The following PHF6 variants were observed in gnomAD, a reference collection of about 807,000 sequenced individuals.
The protein encoded by PHF6 is PHD-like zinc finger protein.
In PHF6, 7 loss-of-function variants were observed where a neutral mutation model predicts 34.0. The observed-to-expected ratio is 0.21, with a 90% CI of 0.12 to 0.39. The LOEUF is 0.39. Ranked by LOEUF, PHF6 falls within the 10% of genes least tolerant of loss-of-function variation. The probability of loss-of-function intolerance (pLI) is 1.00; values close to 1 mark genes in which losing one functional copy is unlikely to be tolerated. For missense variants in PHF6, 128 were observed against 262.8 expected, an observed-to-expected ratio of 0.49 and a Z score of 3.55; for synonymous variants, 89 against 88.4, an observed-to-expected ratio of 1.01 and a Z score of -0.04.
intron 5 of PHF6, among the ~76,000 whole-genome samples, chrX:134,401,062 G>C (rs1185470881): frequency 1.8e-5 from 2 of 111,789 alleles, no homozygotes; most frequent in Non-Finnish European, 3.8e-5. Context: ...TGTGGTCCCA[G>C]AGTGTGACAT....
chrX:134,377,111 AT>A lies in PHF6; in HGVS notation c.-46-458del, dbSNP rs199533950. Reference sequence around the variant, plus strand: ...ACATTAATTATGCCAGCAGGGGATAATTTAATATTATACATTGTACATTTCT... The same window carrying A: ...ACATTAATTATGCCAGCAGGGGATAATTAATATTATACATTGTACATTTCT... On this transcript the variant is annotated intron_variant, in intron 1 of 10. Transcript: ENST00000370803. Among the ~76,000 whole-genome samples the A allele has an allele frequency of 6.5e-3, 724 of 111,647 alleles. 4 individuals carry two copies. The highest frequency in any genetic ancestry group is 9.7e-3 in the Non-Finnish European group (514 of 53,038).
intron 5 of PHF6, among the ~76,000 whole-genome samples, chrX:134,406,005 A>G (rs2077421617): frequency 9.1e-6 from 1 of 109,866 alleles, no homozygotes; most frequent in African/African-American, 3.3e-5. Context: ...AGCAACCATG[A>G]AGATTCAAAG....
At chrX:134,380,191 G>C (rs1466338058) in intron 3 of PHF6, among the ~76,000 whole-genome samples, 3 of 103,055 alleles carry the variant, frequency 2.9e-5, no homozygotes, top group Non-Finnish European at 5.9e-5. Flanking sequence ...CTGTCGCCCA[G>C]GCTGGAGTGC....
chrX:134,414,193 G>A (rs924844436), intron 7 of PHF6, among the ~76,000 whole-genome samples: 5 of 110,702 alleles, frequency 4.5e-5, no homozygotes, highest in African/African-American at 1.6e-4. Context: ...GTTTTAGTAG[G>A]ATTTGAAGTA....
intron 5 of PHF6, among the ~76,000 whole-genome samples, chrX:134,403,397 C>A (rs1364094595): frequency 8.9e-6 from 1 of 112,036 alleles, no homozygotes; most frequent in African/African-American, 3.2e-5. Context: ...TCTAATTCTT[C>A]AATTCTATGA....
At chrX:134,414,043 C>A in intron 7 of PHF6, 77 bp downstream of exon 7, 1 of 1,080,376 alleles carries the variant, frequency 9.3e-7, no homozygotes, top group Non-Finnish European at 1.3e-6. Flanking sequence ...ATCTAAAGCC[C>A]AAATGATTTT....
In PHF6 at chrX:134,426,561, G is replaced by A; in HGVS notation, c.*901G>A. ...GTGCTGTAGGAGTAAAAAAGTCTTTGCATAAAACAGTATTTATTTTTACTT... is the reference window on the plus strand; with the variant it reads ...GTGCTGTAGGAGTAAAAAAGTCTTTACATAAAACAGTATTTATTTTTACTT... On this transcript the variant is annotated 3_prime_UTR_variant, in exon 11 of 11. Coordinates refer to ENST00000370803, the MANE Select transcript of PHF6 (RefSeq NM_001015877.2). 6.2e-6 allele frequency: 1 copy of A among 161,148 alleles called. No homozygotes were observed. The highest frequency in any genetic ancestry group is 1.2e-5 in the Non-Finnish European group (1 of 82,358). The allele number at this position is 161,148 out of a possible 1,213,427, so 13.3% of individuals were successfully genotyped here.
intron 5 of PHF6, among the ~76,000 whole-genome samples, chrX:134,406,862 C>T (rs1331114648): frequency 8.9e-6 from 1 of 112,091 alleles, no homozygotes; most frequent in African/African-American, 3.2e-5. Context: ...TCAGGCTTTC[C>T]TGTCACCCGT....
chrX:134,406,399 A>G (rs1303370798), intron 5 of PHF6, among the ~76,000 whole-genome samples: 1 of 111,871 alleles, frequency 8.9e-6, no homozygotes, highest in Non-Finnish European at 1.9e-5. Context: ...GCAATTTCAG[A>G]TGTTCTGTCC....
chrX:134,412,957 A>G (rs971854906), intron 5 of PHF6, among the ~76,000 whole-genome samples: 14 of 112,148 alleles, frequency 1.2e-4, no homozygotes, highest in African/African-American at 4.5e-4. Context: ...AGTGTTATCC[A>G]GTAGAACTTT....
At chrX:134,379,797 C>T (rs1308467018) in intron 3 of PHF6, among the ~76,000 whole-genome samples, 1 of 111,498 alleles carries the variant, frequency 9.0e-6, no homozygotes, top group African/African-American at 3.3e-5. Context: ...GGTTTCTTCA[C>T]GTTACTGTGC....
At chrX:134,422,776 T>C (rs2077496384) in intron 9 of PHF6, among the ~76,000 whole-genome samples, 1 of 111,819 alleles carries the variant, frequency 8.9e-6, no homozygotes, top group South Asian at 3.8e-4. Flanking sequence ...GCAGGGACCT[T>C]GTTTGACCAG....
intron 5 of PHF6, among the ~76,000 whole-genome samples, chrX:134,395,902 G>C (rs949821166): frequency 8.9e-6 from 1 of 111,996 alleles, no homozygotes; most frequent in Non-Finnish European, 1.9e-5. Context: ...AACCTTAGTA[G>C]TGCTTTTCTT....
Position 134,425,860 on chromosome X carries a change from G to A in PHF6, c.*200G>A, listed in dbSNP as rs761860895. On this transcript the variant is annotated 3_prime_UTR_variant, in exon 11 of 11. Transcript: ENST00000370803. ...GCTGAGTTTGACATGTTGATATTAC[G>A]TAGCTATAGTTTGCAGTTTCTGGGA... The A allele has an allele frequency of 2.7e-4, 46 of 173,558 alleles. No individual in the cohort carries two copies. The highest frequency in any genetic ancestry group is 1.2e-3 in the African/African-American group (39 of 33,588). 14.3% of individuals were successfully genotyped at this position (173,558 alleles called of 1,213,427 possible).
intron 9 of PHF6, among the ~76,000 whole-genome samples, chrX:134,421,913 C>T (rs1473791357): frequency 9.6e-6 from 1 of 104,485 alleles, no homozygotes; most frequent in African/African-American, 3.4e-5. Context: ...AATTTTACAT[C>T]TTGTTTTTTG....
intron 5 of PHF6, among the ~76,000 whole-genome samples, chrX:134,410,281 TCCAC>T (rs775369501): frequency 8.9e-6 from 1 of 112,060 alleles, no homozygotes; most frequent in East Asian, 2.8e-4. Context: ...TTCCCTTTTC[TCCAC>T]AGCCTCACTA....
intron 3 of PHF6, among the ~76,000 whole-genome samples, chrX:134,388,979 A>T (rs2077342583): frequency 9.0e-6 from 1 of 111,217 alleles, no homozygotes; most frequent in African/African-American, 3.3e-5. Context: ...TTTAACCTTA[A>T]GTTAGTGTAG....
chrX:134,380,853 G>T (rs747087127), intron 3 of PHF6, among the ~76,000 whole-genome samples: 1 of 111,225 alleles, frequency 9.0e-6, no homozygotes, highest in Non-Finnish European at 1.9e-5. Flanking sequence ...TATTGTTTTT[G>T]TTTGTTTTTG....
In PHF6 at chrX:134,424,373, C is replaced by T. The variant is rs192265434; in HGVS notation, c.969-828C>T. On this transcript the variant is annotated intron_variant, in intron 9 of 10. Transcript: ENST00000370803. ...TTAACCAAATGATCAAACATAGTGTCACCCAGTAGCAGGACATTTTGAAAT... is the reference window on the plus strand; with the variant it reads ...TTAACCAAATGATCAAACATAGTGTTACCCAGTAGCAGGACATTTTGAAAT... 1.8e-3 allele frequency among the ~76,000 whole-genome samples: 205 copies of T among 111,576 alleles called. 1 individual carries two copies. Among genetic ancestry groups the T allele is most frequent in the African/African-American group, 5.1e-3 (157 of 30,748 alleles).
Sources: gnomAD v4.1 joint callset for allele counts (sites outside exome capture counted in the v4.1 genomes callset) on GRCh38, gnomAD v4.1.1 for gene constraint, MANE v1.5 for transcripts, NCBI Gene and HGNC (gene_info 2026-07-23, HGNC 2026-07-21) for gene names.